TLN2: variants seen among roughly 807,000 people sequenced by gnomAD.
TLN2 encodes talin 2.
In TLN2, 118 loss-of-function variants were observed where a neutral mutation model predicts 294.7. The observed-to-expected ratio is 0.40, with a 90% CI of 0.34 to 0.47. The LOEUF is 0.47. Among genes scored for constraint, TLN2 ranks in the 20% least tolerant of loss-of-function variants. The probability of loss-of-function intolerance (pLI) is 0.84; values close to 1 mark genes in which losing one functional copy is unlikely to be tolerated. For missense variants in TLN2, 3,083 were observed against 3,282.2 expected, an observed-to-expected ratio of 0.94 and a Z score of 1.48; for synonymous variants, 1,431 against 1,304.5, an observed-to-expected ratio of 1.10 and a Z score of -2.09.
At chr15:62,433,420 A>G (rs2140293147) in intron 1 of TLN2, among the ~76,000 whole-genome samples, 1 of 152,172 alleles carries the variant, frequency 6.6e-6, no homozygotes, top group African/African-American at 2.4e-5. Flanking sequence ...CCAGAGGACA[A>G]ATCCCTGTAC....
At chr15:62,607,101 G>A (rs1039742990) in intron 2 of TLN2, among the ~76,000 whole-genome samples, 2 of 152,182 alleles carry the variant, frequency 1.3e-5, no homozygotes, top group African/African-American at 2.4e-5. Context: ...TTTCTCGCCC[G>A]TGATCCTGGG....
intron 47 of TLN2, 31 bp from the exon 48 acceptor site, chr15:62,797,188 C>G (rs558914237): frequency 3.1e-6 from 5 of 1,612,822 alleles, no homozygotes; most frequent in Non-Finnish European, 4.2e-6. Flanking sequence ...TCTGTCTCTC[C>G]CCCTCTCCCC....
At chr15:62,747,629 G>A (rs540465014) in intron 32 of TLN2, among the ~76,000 whole-genome samples, 73 of 152,260 alleles carry the variant, frequency 4.8e-4, no homozygotes, top group Non-Finnish European at 9.1e-4. Flanking sequence ...TCTTATGAAT[G>A]TATTAGCTTT....
intron 1 of TLN2, among the ~76,000 whole-genome samples, chr15:62,537,643 C>T (rs533422408): frequency 1.3e-5 from 2 of 152,278 alleles, no homozygotes; most frequent in South Asian, 4.1e-4. Flanking sequence ...TCTCTGCCCA[C>T]AGTCTTGATT....
chr15:62,693,955 C>CTTT (rs71131123), intron 13 of TLN2, among the ~76,000 whole-genome samples: 32 of 94,142 alleles, frequency 3.4e-4, no homozygotes, highest in African/African-American at 1.2e-3. Flanking sequence ...GATTTTCTTT[C>CTTT]TTTTTTTTTT....
intron 1 of TLN2, among the ~76,000 whole-genome samples, chr15:62,542,538 A>G (rs2041756794): frequency 6.6e-6 from 1 of 152,186 alleles, no homozygotes; most frequent in African/African-American, 2.4e-5. Context: ...CTGAAACTGC[A>G]GATAACGGGA....
chr15:62,508,248 C>G (rs1476965187), intron 1 of TLN2, among the ~76,000 whole-genome samples: 2 of 152,048 alleles, frequency 1.3e-5, no homozygotes, highest in African/African-American at 4.8e-5. Context: ...CAGAGTTTCT[C>G]TCTTGTCACC....
At chr15:62,825,828 T>TATATTATATTATAA (rs1567687812) in intron 54 of TLN2, among the ~76,000 whole-genome samples, 1 of 14,608 alleles carries the variant, frequency 6.8e-5, no homozygotes, top group Non-Finnish European at 1.4e-4. Flanking sequence ...ATATATATTA[T>TATATTATATTATAA]AATATATAAT....
chr15:62,602,866 CTT>C (rs1168318291), intron 2 of TLN2, among the ~76,000 whole-genome samples: 2 of 133,532 alleles, frequency 1.5e-5, no homozygotes, highest in Non-Finnish European at 1.6e-5. Flanking sequence ...GAGGTGTTTG[CTT>C]TTTTTTTTTT....
rs545636653 is a variant in TLN2 at position 62,685,024 on chromosome 15, T to A, written c.958-1617T>A. Among the ~76,000 whole-genome samples the A allele has an allele frequency of 3.3e-5, 5 of 151,688 alleles. No individual in the cohort carries two copies. In the East Asian group the frequency reaches 7.8e-4, roughly 24 times the overall value. ...TGTTGTTGCTAGGTTTCAGCAAATA[T>A]GAGTTGAAAAGGTTTTCCTGACAGC... On this transcript the variant is annotated intron_variant, in intron 11 of 58. Coordinates refer to ENST00000636159, the MANE Select transcript of TLN2 (RefSeq NM_015059.3).
At chr15:62,651,949 G>C in intron 5 of TLN2, 56 bp from the exon 6 acceptor site, 2 of 1,489,978 alleles carry the variant, frequency 1.3e-6, no homozygotes, top group East Asian at 2.3e-5. Context: ...AAGTGTTCAA[G>C]TTTGTTATTT....
chr15:62,690,744 A>G (rs1199208816), intron 12 of TLN2, among the ~76,000 whole-genome samples: 1 of 149,838 alleles, frequency 6.7e-6, no homozygotes, highest in Non-Finnish European at 1.5e-5. Flanking sequence ...AGTGAACCAG[A>G]CTCCGTCTGC....
At chr15:62,553,236 C>G (rs1293061354) in intron 1 of TLN2, among the ~76,000 whole-genome samples, 1 of 152,126 alleles carries the variant, frequency 6.6e-6, no homozygotes, top group African/African-American at 2.4e-5. Flanking sequence ...TGGCTCACTC[C>G]TGTAATCCCA....
chr15:62,551,222 CG>C (rs2042279263), intron 1 of TLN2, among the ~76,000 whole-genome samples: 2 of 152,112 alleles, frequency 1.3e-5, no homozygotes, highest in Admixed American at 1.3e-4. Context: ...GATGAAGCTT[CG>C]CTTGCTTGCC....
At chr15:62,454,239 T>A (rs1390606390) in intron 1 of TLN2, among the ~76,000 whole-genome samples, 1 of 152,214 alleles carries the variant, frequency 6.6e-6, no homozygotes, top group Admixed American at 6.5e-5. Flanking sequence ...GATGTCAGTT[T>A]ATAGAGCAGT....
At chr15:62,752,507 C>T in intron 35 of TLN2, 80 bp downstream of exon 35, 1 of 1,559,278 alleles carries the variant, frequency 6.4e-7, no homozygotes. Context: ...AGCTGCACCT[C>T]TTTCTCCAAG....
chr15:62,812,215 C>G (rs1239564120), intron 52 of TLN2, among the ~76,000 whole-genome samples: 2 of 151,978 alleles, frequency 1.3e-5, no homozygotes, highest in East Asian at 3.9e-4. Flanking sequence ...TTGTCTTGTT[C>G]ATTTTGGGGG....
At chr15:62,576,273 AAAAT>A (rs1177888099) in intron 1 of TLN2, among the ~76,000 whole-genome samples, 62 of 127,558 alleles carry the variant, frequency 4.9e-4, no homozygotes, top group African/African-American at 1.7e-3. Context: ...CAAAAAAAAA[AAAAT>A]AAATAAAAAT....
chr15:62,702,769 CG>C lies in TLN2; in HGVS notation c.1910del (p.Arg637HisfsTer5). The C allele has an allele frequency of 6.2e-7, 1 of 1,614,088 alleles. No homozygotes were observed. Among genetic ancestry groups the C allele is most frequent in the Non-Finnish European group, 8.5e-7 (1 of 1,179,976 alleles). ...AAGGTGTGTTGTTTGTTCACAGCCT[CG>C]ACAGACAGTTTTGACTGCTGCTGGC... ...KAVQPTSGEP[R>X]QTVLTAAGSI... is the part of the protein sequence containing the mutation. On this transcript the variant is annotated frameshift_variant, in exon 19 of 59. Coordinates refer to ENST00000636159, the MANE Select transcript of TLN2 (RefSeq NM_015059.3). LOFTEE classifies it high-confidence loss of function.
Sources: gnomAD v4.1 joint callset for allele counts (sites outside exome capture counted in the v4.1 genomes callset) on GRCh38, gnomAD v4.1.1 for gene constraint, MANE v1.5 for transcripts, NCBI Gene and HGNC (gene_info 2026-07-23, HGNC 2026-07-21) for gene names.